Variants in PSD3 observed in about 807,000 individuals in gnomAD.
The protein encoded by PSD3 is pleckstrin and Sec7 domain containing 3.
In PSD3, 49 loss-of-function variants were observed where a neutral mutation model predicts 105.5. The ratio of observed to expected loss-of-function variants is 0.46; its 90% CI spans 0.37 to 0.59. The LOEUF (loss-of-function observed/expected upper bound fraction) is 0.59, where lower values mean the gene tolerates loss of function less well. PSD3 is among the 20% of genes least tolerant of loss of function. PSD3 has a pLI of 0.00. For synonymous variants in PSD3, 557 were observed against 457.8 expected (o/e 1.22, Z -2.77); for missense variants, 1,561 against 1,263.8 (o/e 1.24, Z -3.57).
intron 1 of PSD3, among the ~76,000 whole-genome samples, chr8:18,960,973 C>T (rs940718759): frequency 6.6e-6 from 1 of 152,054 alleles, no homozygotes; most frequent in Non-Finnish European, 1.5e-5. Flanking sequence ...GTATTCCCAG[C>T]TACTCAGGAG....
rs1317608775 is a variant in PSD3, at chr8:18,752,481, AT to A, written c.2172+12967del. ...CCCTAACTTTTCAAATATATATATT[AT>A]TATATATATAATATATATAATATAT... On this transcript the variant is annotated intron_variant, in intron 9 of 15. Transcript: ENST00000327040. 7.8e-3 allele frequency among the ~76,000 whole-genome samples: 317 copies of A among 40,756 alleles called. 15 individuals carry two copies. Among genetic ancestry groups the A allele is most frequent in the Admixed American group, 0.063 (159 of 2,526 alleles). 26.7% of individuals were successfully genotyped at this position (40,756 alleles called of 152,430 possible).
rs1803882771 is a variant in PSD3, at chr8:18,594,259, T to C, written c.2481+6105A>G. 8.4e-5 allele frequency among the ~76,000 whole-genome samples: 2 copies of C among 23,776 alleles called. 1 individual carries two copies. Among genetic ancestry groups the C allele is most frequent in the Non-Finnish European group, 1.9e-4 (2 of 10,276 alleles). The allele number at this position is 23,776 out of a possible 152,430, so 15.6% of individuals were successfully genotyped here. A position where few individuals can be genotyped will look rare whatever the true frequency, so the allele number is the denominator to read the frequency against. On this transcript the variant is annotated intron_variant, in intron 12 of 15. Coordinates refer to ENST00000327040, the MANE Select transcript of PSD3 (RefSeq NM_015310.4). ...ATATATTATTATATATATTATATAA[T>C]ATATATTATTATATATATTATATAA...
intron 4 of PSD3, among the ~76,000 whole-genome samples, chr8:18,831,705 AAGTG>A (rs1053211878): frequency 2.7e-4 from 41 of 152,244 alleles, no homozygotes; most frequent in African/African-American, 9.9e-4. Context: ...CTGGGCAACA[AAGTG>A]AGACTCCATC....
intron 11 of PSD3, among the ~76,000 whole-genome samples, chr8:18,602,353 C>G (rs1043686457): frequency 4.6e-5 from 7 of 151,994 alleles, no homozygotes; most frequent in Non-Finnish European, 7.4e-5. Flanking sequence ...TAAAAGTCAC[C>G]CATGAGTGAC....
At chr8:18,890,289 T>C (rs1010142792) in intron 2 of PSD3, among the ~76,000 whole-genome samples, 1 of 152,066 alleles carries the variant, frequency 6.6e-6, no homozygotes, top group Non-Finnish European at 1.5e-5. Flanking sequence ...GGTTCTTAGA[T>C]CTTGAAAAAA....
intron 10 of PSD3, among the ~76,000 whole-genome samples, chr8:18,640,120 G>T (rs1225265153): frequency 6.6e-6 from 1 of 152,094 alleles, no homozygotes; most frequent in African/African-American, 2.4e-5. Flanking sequence ...ATCCATTCTA[G>T]TTCTAGTATT....
At chr8:18,726,070 G>A (rs1334356417) in intron 9 of PSD3, among the ~76,000 whole-genome samples, 1 of 152,178 alleles carries the variant, frequency 6.6e-6, no homozygotes, top group Non-Finnish European at 1.5e-5. Context: ...ACAGTTCATG[G>A]ACGTTATTGA....
chr8:18,934,289 T>A (rs566360661), intron 2 of PSD3, among the ~76,000 whole-genome samples: 1 of 152,340 alleles, frequency 6.6e-6, no homozygotes, highest in East Asian at 1.9e-4. Context: ...GCTGAAAAAT[T>A]AAGGATTGCA....
intron 9 of PSD3, among the ~76,000 whole-genome samples, chr8:18,670,068 GATAATT>G (rs1303310274): frequency 3.3e-5 from 5 of 152,286 alleles, no homozygotes; most frequent in Non-Finnish European, 7.3e-5. Context: ...TAGGCTACCA[GATAATT>G]ATTATAAGGT....
chr8:19,034,548 G>T (rs528369378), intron 1 of PSD3, among the ~76,000 whole-genome samples: 4 of 152,160 alleles, frequency 2.6e-5, no homozygotes, highest in African/African-American at 9.7e-5. Flanking sequence ...ATCCCATAAA[G>T]AGCTGACAGT....
chr8:18,545,711 G>A (rs1238428697), intron 15 of PSD3, among the ~76,000 whole-genome samples: 3 of 152,162 alleles, frequency 2.0e-5, no homozygotes, highest in Non-Finnish European at 4.4e-5. Flanking sequence ...TAATCTTTTG[G>A]TTTACACTTT....
chr8:18,718,014 G>T (rs1410391236), intron 9 of PSD3, among the ~76,000 whole-genome samples: 1 of 152,154 alleles, frequency 6.6e-6, no homozygotes, highest in Non-Finnish European at 1.5e-5. Context: ...ATGTGCTTGT[G>T]TATTGCCTCC....
chr8:18,562,559 T>C (rs1801459894), intron 14 of PSD3, among the ~76,000 whole-genome samples: 1 of 152,162 alleles, frequency 6.6e-6, no homozygotes, highest in Non-Finnish European at 1.5e-5. Context: ...CAGGCTGGAC[T>C]CAGGGTTACT....
At chr8:19,061,163 A>G (rs759746949) in intron 1 of PSD3, among the ~76,000 whole-genome samples, 12 of 152,318 alleles carry the variant, frequency 7.9e-5, no homozygotes, top group Non-Finnish European at 1.6e-4. Flanking sequence ...TTAAAAAGAA[A>G]TATATAAAAT....
At chr8:18,907,449 A>G (rs899544425) in intron 2 of PSD3, among the ~76,000 whole-genome samples, 1 of 152,206 alleles carries the variant, frequency 6.6e-6, no homozygotes, top group Non-Finnish European at 1.5e-5. Flanking sequence ...TTCTCAGATT[A>G]CAGGCATGAA....
intron 1 of PSD3, among the ~76,000 whole-genome samples, chr8:19,054,412 G>T (rs1345228485): frequency 2.0e-5 from 3 of 152,096 alleles, no homozygotes; most frequent in Non-Finnish European, 1.5e-5. Context: ...GGAAGAACTT[G>T]TAGCATATGT....
chr8:18,631,476 A>C (rs1158475506), intron 11 of PSD3, among the ~76,000 whole-genome samples: 1 of 152,012 alleles, frequency 6.6e-6, no homozygotes, highest in East Asian at 1.9e-4. Flanking sequence ...AGCACTGCTA[A>C]TAACCATGTA....
chr8:18,988,866 G>T (rs1825644259), intron 1 of PSD3, among the ~76,000 whole-genome samples: 1 of 152,118 alleles, frequency 6.6e-6, no homozygotes, highest in South Asian at 2.1e-4. Context: ...AAAATGACAT[G>T]GAATAAAAAG....
chr8:18,636,521 A>G (rs1351895137), intron 10 of PSD3, among the ~76,000 whole-genome samples: 1 of 152,198 alleles, frequency 6.6e-6, no homozygotes, highest in Non-Finnish European at 1.5e-5. Flanking sequence ...CAGTGTTTAG[A>G]AAGTCTACAG....
Sources: gnomAD v4.1 joint callset for allele counts (sites outside exome capture counted in the v4.1 genomes callset) on GRCh38, gnomAD v4.1.1 for gene constraint, MANE v1.5 for transcripts, NCBI Gene and HGNC (gene_info 2026-07-23, HGNC 2026-07-21) for gene names.